The following GOLM1 variants were observed in gnomAD, a reference collection of about 807,000 sequenced individuals.
GOLM1 encodes the protein golgi membrane protein 1, also known as epididymis luminal protein 46.
A neutral mutation model predicts 50.5 loss-of-function variants in GOLM1; 31 were observed. That is an observed-to-expected ratio of 0.61 (90% CI 0.46 to 0.83). GOLM1 has a LOEUF of 0.83. GOLM1 is among the 40% of genes least tolerant of loss of function. The pLI is 0.00. For synonymous variants in GOLM1, 178 were observed against 192.8 expected (o/e 0.92, Z 0.64); for missense variants, 491 against 501.3 (o/e 0.98, Z 0.20).
At chr9:86,070,654 T>G (rs1834423153) in intron 3 of GOLM1, among the ~76,000 whole-genome samples, 1 of 152,080 alleles carries the variant, frequency 6.6e-6, no homozygotes, top group Non-Finnish European at 1.5e-5. Context: ...TTCAAGCTGC[T>G]AAGGACACAG....
At chr9:86,096,985 G>A (rs1289567069) in intron 1 of GOLM1, among the ~76,000 whole-genome samples, 3 of 151,518 alleles carry the variant, frequency 2.0e-5, no homozygotes, top group Admixed American at 1.3e-4. Flanking sequence ...CAAAATCTTA[G>A]CAAGGGAAGT....
chr9:86,079,296 G>A lies in GOLM1; in HGVS notation c.25C>T (p.Arg9Cys), dbSNP rs896502673. 1.4e-5 allele frequency: 23 copies of A among 1,602,096 alleles called. No individual in the cohort carries two copies. The highest frequency in any genetic ancestry group is 2.7e-5 in the African/African-American group (2 of 74,170). MMGLGNGR[R>C]SMKSPPLVLA... ...ACGAGGGGCGGCGACTTCATGCTGC[G>A]ACGCCCGTTTCCCAAGCCCATCATC... Residue 9 changes from arginine to cysteine, a missense_variant, in exon 2 of 10, where the codon CGC (arginine) becomes TGC (cysteine). Arg to Cys is a radical substitution (Grantham distance 180). Coordinates refer to ENST00000388712, the MANE Select transcript of GOLM1 (RefSeq NM_016548.4).
At chr9:86,059,935 A>G (rs1483653452) in intron 3 of GOLM1, among the ~76,000 whole-genome samples, 1 of 150,720 alleles carries the variant, frequency 6.6e-6, no homozygotes, top group African/African-American at 2.5e-5. Context: ...TTTTGGAATC[A>G]GTGGTTATAG....
At chr9:86,099,612 A>G (rs1453311408), upstream of GOLM1, 1 of 147,740 alleles carries the variant, frequency 6.8e-6, no homozygotes, top group African/African-American at 2.5e-5. Flanking sequence ...GCGCGAAGGG[A>G]GGAGGCGGCG....
At chr9:86,029,456 A>C (rs1444889361) in intron 9 of GOLM1, among the ~76,000 whole-genome samples, 1 of 152,152 alleles carries the variant, frequency 6.6e-6, no homozygotes, top group East Asian at 1.9e-4. Context: ...TGATGTCTGT[A>C]TGTAGCTTCT....
intron 9 of GOLM1, among the ~76,000 whole-genome samples, chr9:86,031,474 T>TTTC (rs1554781520): frequency 7.2e-6 from 1 of 139,476 alleles, no homozygotes; most frequent in Non-Finnish European, 1.5e-5. Context: ...TTTTTTTTTT[T>TTTC]CCCCGAGACG....
intron 8 of GOLM1, chr9:86,035,042 C>G: frequency 1.0e-6 from 1 of 985,252 alleles, no homozygotes; most frequent in Non-Finnish European, 1.2e-6. Context: ...GGTGGACATA[C>G]AAAAATGGGG....
Position 86,042,074 on chromosome 9 carries a change from G to A in GOLM1, c.468-1206C>T, listed in dbSNP as rs1484768716. Among the ~76,000 whole-genome samples the A allele has an allele frequency of 6.6e-5, 10 of 152,252 alleles. No homozygotes were observed. The East Asian group carries it at 7.7e-4, about 12-fold the overall frequency. ...GGAGCTTGCAGTGAGCCGAGATCGC[G>A]CCACTGCACTCCAGCCTGGGCGACA... On this transcript the variant is annotated intron_variant, in intron 5 of 9. Coordinates refer to ENST00000388712, the MANE Select transcript of GOLM1 (RefSeq NM_016548.4).
chr9:86,063,736 A>T (rs916114109), intron 3 of GOLM1, among the ~76,000 whole-genome samples: 4 of 152,220 alleles, frequency 2.6e-5, no homozygotes, highest in Non-Finnish European at 5.9e-5. Flanking sequence ...AACAAGACAA[A>T]AGCCAACCAC....
At chr9:86,084,642 G>A (rs11787645) in intron 1 of GOLM1, among the ~76,000 whole-genome samples, 30,022 of 151,990 alleles carry the variant, frequency 0.2, 4,539 homozygotes, top group East Asian at 0.52. Flanking sequence ...CCTTCCTTAA[G>A]TCTAAACTAT....
chr9:86,052,467 A>G lies in GOLM1; in HGVS notation c.364+70T>C, dbSNP rs1833785503. On this transcript the variant is annotated intron_variant, in intron 4 of 9. Transcript: ENST00000388712. The stretch of plus-strand genomic sequence containing the variant: ...TTATAATGGAGACCCACCTGGGCCT[A>G]GAGAAGGAGAGAAAGGGAGTTTCCT... 1.4e-5 allele frequency: 18 copies of G among 1,312,292 alleles called. No homozygotes were observed. The Middle Eastern group carries it at 1.3e-3, about 93-fold the overall frequency. 81.3% of individuals were successfully genotyped at this position (1,312,292 alleles called of 1,614,324 possible).
At chr9:86,056,631 G>C (rs1833998258) in intron 3 of GOLM1, among the ~76,000 whole-genome samples, 1 of 151,174 alleles carries the variant, frequency 6.6e-6, no homozygotes, top group African/African-American at 2.4e-5. Context: ...TCAGCCTCCT[G>C]AGTAGCTGGG....
At chr9:86,076,901 G>C (rs1242277060) in intron 3 of GOLM1, among the ~76,000 whole-genome samples, 4 of 151,290 alleles carry the variant, frequency 2.6e-5, no homozygotes, top group South Asian at 2.1e-4. Flanking sequence ...ATTTTAATTA[G>C]CAGGAAGGCC....
At chr9:86,056,813 T>C (rs1393629822) in intron 3 of GOLM1, among the ~76,000 whole-genome samples, 1 of 151,802 alleles carries the variant, frequency 6.6e-6, no homozygotes, top group African/African-American at 2.4e-5. Context: ...CAAAAAAAAA[T>C]TTTTTAAGAG....
chr9:86,066,295 G>T (rs1034139236), intron 3 of GOLM1, among the ~76,000 whole-genome samples: 1 of 152,144 alleles, frequency 6.6e-6, no homozygotes, highest in Non-Finnish European at 1.5e-5. Context: ...CGTACCCCAA[G>T]TTACTGTGCA....
intron 1 of GOLM1, among the ~76,000 whole-genome samples, chr9:86,096,646 C>G (rs1157075922): frequency 6.6e-6 from 1 of 152,110 alleles, no homozygotes; most frequent in Admixed American, 6.5e-5. Context: ...AGAAACTATG[C>G]TGATGTAATC....
intron 1 of GOLM1, chr9:86,079,579 G>A: frequency 2.9e-6 from 1 of 350,488 alleles, no homozygotes; most frequent in East Asian, 4.4e-5. Context: ...GGAGGAGCAG[G>A]CACCGCCCCG....
chr9:86,051,619 C>T (rs552033036), intron 4 of GOLM1, among the ~76,000 whole-genome samples: 6 of 152,262 alleles, frequency 3.9e-5, no homozygotes, highest in East Asian at 1.9e-4. Flanking sequence ...TGGATCACCA[C>T]GGCGCACAAG....
chr9:86,058,644 TGAG>T (rs1431483180), intron 3 of GOLM1, among the ~76,000 whole-genome samples: 3 of 141,174 alleles, frequency 2.1e-5, no homozygotes, highest in South Asian at 2.2e-4. Context: ...TGCAGTGAGC[TGAG>T]ATCATGCCAC....
Sources: gnomAD v4.1 joint callset for allele counts (sites outside exome capture counted in the v4.1 genomes callset) on GRCh38, gnomAD v4.1.1 for gene constraint, MANE v1.5 for transcripts, NCBI Gene and HGNC (gene_info 2026-07-23, HGNC 2026-07-21) for gene names.